HEXB: variants seen among roughly 807,000 people sequenced by gnomAD.
HEXB encodes the protein beta-hexosaminidase subunit beta.
Under a neutral mutation model 71.2 loss-of-function variants are expected in HEXB, and 51 were observed. The ratio of observed to expected loss-of-function variants is 0.72; its 90% CI spans 0.57 to 0.90. The LOEUF (loss-of-function observed/expected upper bound fraction) is 0.90, where lower values mean the gene tolerates loss of function less well. Ranked by LOEUF, HEXB falls within the 40% of genes least tolerant of loss-of-function variation. HEXB has a pLI of 0.00. For synonymous variants in HEXB, 266 were observed against 249.3 expected (o/e 1.07, Z -0.63); for missense variants, 617 against 677.0 (o/e 0.91, Z 0.98).
upstream of HEXB, among the ~76,000 whole-genome samples, chr5:74,680,785 G>C (rs1364727042): frequency 2.0e-5 from 3 of 152,200 alleles, no homozygotes; most frequent in Non-Finnish European, 4.4e-5. Context: ...ATTCTGATTA[G>C]ACTAGTAGGT....
intron 1 of HEXB, among the ~76,000 whole-genome samples, chr5:74,647,708 A>G (rs1485924677): frequency 1.3e-5 from 2 of 152,262 alleles, no homozygotes; most frequent in Non-Finnish European, 2.9e-5. Context: ...ATCTGAGGAT[A>G]TTTGGAAATA....
chr5:74,682,084 T>C (rs906845988), upstream of HEXB, among the ~76,000 whole-genome samples: 5 of 152,106 alleles, frequency 3.3e-5, no homozygotes, highest in African/African-American at 1.2e-4. Flanking sequence ...CGGGGCTGGG[T>C]GCGGTGGCTC....
upstream of HEXB, among the ~76,000 whole-genome samples, chr5:74,683,324 G>A (rs1026806991): frequency 5.9e-5 from 9 of 151,384 alleles, no homozygotes; most frequent in African/African-American, 2.2e-4. Flanking sequence ...TTCTTTCTGA[G>A]ACAGAGTCTT....
rs191789163 is a variant in HEXB, at chr5:74,677,101, G to T, written c.-376-12227G>T. ...GGGGTTTCAACATGTTGGCCAGGAT[G>T]GTCTCGATATCCTGACCTCGTGATC... On this transcript the variant is annotated intron_variant, in intron 1 of 13. Coordinates refer to the HEXB transcript ENST00000511181. 9.9e-3 allele frequency among the ~76,000 whole-genome samples: 1,509 copies of T among 152,000 alleles called. 22 individuals carry two copies. Among genetic ancestry groups the T allele is most frequent in the African/African-American group, 0.028 (1,145 of 41,448 alleles).
At chr5:74,711,629 G>A (rs1452788447) in intron 6 of HEXB, among the ~76,000 whole-genome samples, 5 of 152,042 alleles carry the variant, frequency 3.3e-5, no homozygotes, top group Admixed American at 6.6e-5. Context: ...TGAAGGACAT[G>A]AACAGACACT....
At chr5:74,720,329 T>G in intron 11 of HEXB, 99 bp from the exon 12 acceptor site, 1 of 923,012 alleles carries the variant, frequency 1.1e-6, no homozygotes. Flanking sequence ...GCAAGAAATG[T>G]TGCCCTAGGA....
intron 1 of HEXB, among the ~76,000 whole-genome samples, chr5:74,675,952 A>G (rs11749103): frequency 0.1 from 15,165 of 152,244 alleles, 997 homozygotes; most frequent in East Asian, 0.24. Flanking sequence ...AAGCATGCCT[A>G]ACAGGAAATG....
intron 1 of HEXB, among the ~76,000 whole-genome samples, chr5:74,662,479 T>C (rs1253336425): frequency 2.0e-5 from 3 of 149,948 alleles, no homozygotes; most frequent in African/African-American, 4.9e-5. Context: ...CTACCAATTA[T>C]TCTCTGATCA....
upstream of HEXB, among the ~76,000 whole-genome samples, chr5:74,682,051 AG>A (rs1748747427): frequency 6.6e-6 from 1 of 152,212 alleles, no homozygotes; most frequent in Non-Finnish European, 1.5e-5. Context: ...CAGCCATGCA[AG>A]TTAACTTAGA....
intron 5 of HEXB, among the ~76,000 whole-genome samples, chr5:74,702,067 C>CTTTTTT (rs60295789): frequency 2.5e-4 from 15 of 60,594 alleles, no homozygotes; most frequent in Admixed American, 5.2e-4. Context: ...CTTTCCTTGT[C>CTTTTTT]TTTTTTTTTT....
chr5:74,703,406 T>C (rs1225868116), intron 5 of HEXB, among the ~76,000 whole-genome samples: 1 of 152,246 alleles, frequency 6.6e-6, no homozygotes, highest in Non-Finnish European at 1.5e-5. Flanking sequence ...TGTCCCGGTC[T>C]TTTCTGTGTC....
intron 1 of HEXB, among the ~76,000 whole-genome samples, chr5:74,674,370 G>A (rs1748592505): frequency 6.6e-6 from 1 of 152,018 alleles, no homozygotes; most frequent in Admixed American, 6.5e-5. Context: ...TTGGGAGGCC[G>A]AGGCGGGCAG....
At chr5:74,664,430 T>TTAAAAAAAAAAAAAAAAAAAAAAAAAA (rs768901546) in intron 1 of HEXB, among the ~76,000 whole-genome samples, 1 of 79,634 alleles carries the variant, frequency 1.3e-5, no homozygotes. Flanking sequence ...ATTCTATCTC[T>TTAAAAAAAAAAAAAAAAAAAAAAAAAA]AAAAAAAAAA....
At chr5:74,701,050 A>AC (rs1347030722) in intron 5 of HEXB, among the ~76,000 whole-genome samples, 18 of 137,250 alleles carry the variant, frequency 1.3e-4, no homozygotes, top group Middle Eastern at 3.6e-3. Context: ...CCCTGCTAAC[A>AC]TTTTTTTTTT....
upstream of HEXB, among the ~76,000 whole-genome samples, chr5:74,684,180 TTA>T (rs532408589): frequency 2.6e-3 from 396 of 152,336 alleles, 1 homozygote; most frequent in South Asian, 0.012. Flanking sequence ...TTCAGAATAC[TTA>T]TATAGCAGAT....
chr5:74,692,075 A>G (rs572414034), intron 2 of HEXB, among the ~76,000 whole-genome samples: 9 of 152,222 alleles, frequency 5.9e-5, no homozygotes, highest in Non-Finnish European at 1.0e-4. Context: ...ATTGGTATCA[A>G]ATATATGCAA....
intron 5 of HEXB, among the ~76,000 whole-genome samples, chr5:74,702,841 A>G (rs1580387213): frequency 6.6e-6 from 1 of 152,166 alleles, no homozygotes; most frequent in East Asian, 1.9e-4. Flanking sequence ...TTGGCATTTC[A>G]GTGTAAGGTA....
At chr5:74,717,349 C>T (rs1353542082) in intron 9 of HEXB, among the ~76,000 whole-genome samples, 2 of 152,060 alleles carry the variant, frequency 1.3e-5, no homozygotes, top group Non-Finnish European at 2.9e-5. Context: ...GCCATAGCCA[C>T]AGGTGTCTGT....
intron 2 of HEXB, among the ~76,000 whole-genome samples, chr5:74,692,219 T>C (rs1337492712): frequency 6.6e-6 from 1 of 150,956 alleles, no homozygotes; most frequent in East Asian, 1.9e-4. Context: ...TGATACAGGC[T>C]GGGTACAGTA....
Sources: allele counts gnomAD v4.1 joint callset (sites outside exome capture counted in the v4.1 genomes callset), GRCh38; gene constraint gnomAD v4.1.1; transcripts MANE v1.5; gene names NCBI Gene and HGNC (gene_info 2026-07-23, HGNC 2026-07-21).